The following GGT1 variants were observed in gnomAD, a reference collection of about 807,000 sequenced individuals.
GGT1 encodes glutathione hydrolase 1 proenzyme.
A neutral mutation model predicts 56.0 loss-of-function variants in GGT1; 21 were observed. The observed-to-expected ratio is 0.38, with a 90% CI of 0.27 to 0.54. The LOEUF (loss-of-function observed/expected upper bound fraction) is 0.54. Among genes scored for constraint, GGT1 ranks in the 20% least tolerant of loss-of-function variants. The probability of loss-of-function intolerance (pLI) is 0.82; values close to 1 mark genes in which losing one functional copy is unlikely to be tolerated. For synonymous variants in GGT1, 238 were observed against 342.6 expected (o/e 0.69, Z 3.37); for missense variants, 466 against 787.0 (o/e 0.59, Z 4.88).
chr22:24,588,374 C>T, the GGT1 span: 1 of 1,470,976 alleles, frequency 6.8e-7, no homozygotes, highest in Non-Finnish European at 9.5e-7. Flanking sequence ...GCCCCTCCTG[C>T]CCACCTCAGG....
chr22:24,588,985 T>G, the GGT1 span: 1 of 1,011,350 alleles, frequency 9.9e-7, no homozygotes. Context: ...ATCCAGTCCC[T>G]CTGTGAGCAG....
intron 7 of GGT1, among the ~76,000 whole-genome samples, chr22:24,618,620 A>C (rs1211638069): frequency 6.6e-6 from 1 of 152,154 alleles, no homozygotes; most frequent in Non-Finnish European, 1.5e-5. Context: ...AAACAAAACA[A>C]AACAAAAAAT....
At position 24,610,147 on chromosome 22, in the gene GGT1, A is replaced by G. The variant is rs536973395; in HGVS notation, c.-289-103A>G. On this transcript the variant is annotated intron_variant, in intron 3 of 15. Transcript: ENST00000400382. Reference sequence around the variant, plus strand: ...CTTCTGCAGGAATGCCCTGTCCCCTACCTGCCCTGCTCCGTGCAAAACCCT... The same window carrying G: ...CTTCTGCAGGAATGCCCTGTCCCCTGCCTGCCCTGCTCCGTGCAAAACCCT... 121 of 390,058 alleles carry G rather than the reference A, an allele frequency of 3.1e-4. 25 individuals are homozygous for G. Among genetic ancestry groups the G allele is most frequent in the African/African-American group, 2.7e-3 (119 of 44,420 alleles). 24.2% of individuals were successfully genotyped at this position (390,058 alleles called of 1,614,324 possible).
the GGT1 span, chr22:24,583,863 T>G: frequency 4.3e-6 from 2 of 460,996 alleles, no homozygotes; most frequent in Non-Finnish European, 9.0e-6. Context: ...GGGCCAGTGG[T>G]GGGCAGGGAG....
intron 1 of GGT1, among the ~76,000 whole-genome samples, chr22:24,604,164 A>C (rs1184862299): frequency 2.8e-5 from 4 of 141,100 alleles, no homozygotes; most frequent in Admixed American, 7.0e-5. Flanking sequence ...ATATCGAGGG[A>C]TAGCGACTCC....
In GGT1 at chr22:24,628,185, A is replaced by G. The variant is rs2047911707; in HGVS notation, c.1441A>G (p.Thr481Ala). The change falls in exon 14 of 16, where the codon ACT becomes GCT. Residue 481 changes from threonine to alanine, a missense_variant. Coordinates refer to ENST00000400382, the MANE Select transcript of GGT1 (RefSeq NM_001288833.2). This position sits in a 1 kb window ranked among gnomAD's most constrained non-coding sequence, Gnocchi z 5.7. ...AAGGTQITTA[T>A]ALAIIYNLWF... ...TGGGGGCACACAGATCACCACGGCC[A>G]CTGCACTGGTATGTGTCACACCTTT... 6 of 1,611,890 alleles carry G rather than the reference A, an allele frequency of 3.7e-6. No individual in the cohort carries two copies. The highest frequency in any genetic ancestry group is 1.7e-5 in the Admixed American group (1 of 59,998).
At chr22:24,625,565 A>G (rs1382889368) in intron 11 of GGT1, among the ~76,000 whole-genome samples, 2 of 150,578 alleles carry the variant, frequency 1.3e-5, no homozygotes, top group East Asian at 3.9e-4. Flanking sequence ...TTTTTGAGAC[A>G]GAGTCTCGCT....
the GGT1 span, chr22:24,588,954 G>A: frequency 9.9e-7 from 1 of 1,007,550 alleles, no homozygotes. Context: ...CTGGCACTGA[G>A]CATGCTCCAC....
At chr22:24,604,524 G>A (rs537104880) in intron 1 of GGT1, among the ~76,000 whole-genome samples, 1 of 152,270 alleles carries the variant, frequency 6.6e-6, no homozygotes, top group Non-Finnish European at 1.5e-5. Flanking sequence ...TTGGAAGTGG[G>A]TGATACTGAC....
rs1182474463 is a variant in GGT1 at position 24,605,081 on chromosome 22, AAGTATATTATAT to A, written c.-429+1556_-429+1567del. Among the ~76,000 whole-genome samples the A allele has an allele frequency of 6.0e-5, 2 of 33,496 alleles. 1 individual carries two copies. Among genetic ancestry groups the A allele is most frequent in the African/African-American group, 4.3e-4 (2 of 4,654 alleles). 22.0% of individuals were successfully genotyped at this position (33,496 alleles called of 152,430 possible). A position where few individuals can be genotyped will look rare whatever the true frequency, so the allele number is the denominator to read the frequency against. ...TATTATATGTAATATATAATATATA[AAGTATATTATAT>A]AATATGTATTATATTATATATTATA... On this transcript the variant is annotated intron_variant, in intron 1 of 15. Transcript: ENST00000400382.
At chr22:24,605,258 TTA>T (rs1211598482) in intron 1 of GGT1, among the ~76,000 whole-genome samples, 9 of 19,194 alleles carry the variant, frequency 4.7e-4, no homozygotes, top group African/African-American at 2.3e-3. Flanking sequence ...ATAATATGTA[TTA>T]TATATTATAT....
upstream of GGT1, among the ~76,000 whole-genome samples, chr22:24,600,260 A>T (rs1219569140): frequency 1.3e-5 from 2 of 152,208 alleles, no homozygotes; most frequent in Non-Finnish European, 2.9e-5. Flanking sequence ...GTGCATTGTC[A>T]TCTCAAGGAA....
chr22:24,590,037 C>T (rs2045522445), upstream of GGT1: 9 of 1,396,072 alleles, frequency 6.4e-6, no homozygotes, highest in African/African-American at 1.5e-5. Flanking sequence ...TGCTTATGCC[C>T]GTTCCTGTCT....
At chr22:24,593,869 T>A (rs183810893), upstream of GGT1, among the ~76,000 whole-genome samples, 1 of 152,042 alleles carries the variant, frequency 6.6e-6, no homozygotes, top group Non-Finnish European at 1.5e-5. Flanking sequence ...TGGACACTCC[T>A]GCACTGGCAA....
rs143258639 is a variant in GGT1, at chr22:24,608,644, C to G, written c.-359+621C>G. 4.0e-3 allele frequency among the ~76,000 whole-genome samples: 609 copies of G among 152,280 alleles called. 2 individuals carry two copies. Among genetic ancestry groups the G allele is most frequent in the African/African-American group, 0.014 (587 of 41,550 alleles). On this transcript the variant is annotated intron_variant, in intron 2 of 15. Transcript: ENST00000400382. ...GCCCCATGACTTGTGGTGGAAATGT[C>G]CTTTTGTTTTTGTTTTTTTGCATTT...
upstream of GGT1, chr22:24,592,541 G>A (rs1019055372): frequency 4.1e-5 from 18 of 437,566 alleles, no homozygotes; most frequent in Admixed American, 1.4e-4. Context: ...GGGCTCTTAG[G>A]TCCAGGCTAC....
intron 1 of GGT1, among the ~76,000 whole-genome samples, chr22:24,606,519 C>G (rs1375077660): frequency 6.6e-6 from 1 of 152,220 alleles, no homozygotes; most frequent in East Asian, 1.9e-4. Flanking sequence ...GCCAAATCCC[C>G]TGATGTTCCT....
chr22:24,612,082 G>A (rs2046741644), intron 5 of GGT1, among the ~76,000 whole-genome samples: 2 of 151,984 alleles, frequency 1.3e-5, no homozygotes, highest in Admixed American at 1.3e-4. Context: ...TGGGATTAAG[G>A]TGTGAGCCAC....
the GGT1 span, chr22:24,588,474 C>T: frequency 1.0e-5 from 8 of 771,742 alleles, no homozygotes; most frequent in African/African-American, 6.9e-5. Context: ...GGGCCTCCCC[C>T]TCCTACCCCC....
Sources: allele counts gnomAD v4.1 joint callset (sites outside exome capture counted in the v4.1 genomes callset), GRCh38; gene constraint gnomAD v4.1.1; non-coding constraint Gnocchi (gnomAD v3.1); transcripts MANE v1.5; gene names NCBI Gene and HGNC (gene_info 2026-07-23, HGNC 2026-07-21).